The following HERPUD1 variants were observed in gnomAD, a reference collection of about 807,000 sequenced individuals.
HERPUD1 encodes homocysteine inducible ER protein with ubiquitin like domain 1.
In HERPUD1, 17 loss-of-function variants were observed where a neutral mutation model predicts 45.0. The observed-to-expected ratio is 0.38, with a 90% CI of 0.26 to 0.57. HERPUD1 has a LOEUF of 0.57. Among genes scored for constraint, HERPUD1 ranks in the 20% least tolerant of loss-of-function variants. The probability of loss-of-function intolerance (pLI) is 0.72; values close to 1 mark genes in which losing one functional copy is unlikely to be tolerated. For missense variants in HERPUD1, 420 were observed against 490.5 expected, an observed-to-expected ratio of 0.86 and a Z score of 1.36; for synonymous variants, 164 against 177.5, an observed-to-expected ratio of 0.92 and a Z score of 0.61.
At chr16:56,934,699 A>ATTTTTTTTTTTT (rs1257594998) in intron 1 of HERPUD1, among the ~76,000 whole-genome samples, 1 of 73,098 alleles carries the variant, frequency 1.4e-5, no homozygotes, top group African/African-American at 5.7e-5. Context: ...ATAATTTGCC[A>ATTTTTTTTTTTT]TTCTTTTTTT....
intron 1 of HERPUD1, 93 bp from the exon 2 acceptor site, chr16:56,935,142 A>G: frequency 1.2e-6 from 1 of 839,378 alleles, no homozygotes. Context: ...AAACACACAT[A>G]TTCAAATTAC....
At chr16:56,937,674 C>T (rs1273245341) in intron 4 of HERPUD1, among the ~76,000 whole-genome samples, 1 of 150,500 alleles carries the variant, frequency 6.6e-6, no homozygotes, top group African/African-American at 2.5e-5. Flanking sequence ...TTATTTCATC[C>T]CTATATTCTT....
rs954888852 is a variant in HERPUD1, at chr16:56,939,654, G to A, written c.555-241G>A. ...TTTGTGAGGATTTTAATTTGCTACT[G>A]TGCCATAATCTTACAGTGGGCTTGA... is the stretch of plus-strand genomic sequence containing the variant. On this transcript the variant is annotated intron_variant, in intron 5 of 7. Coordinates refer to ENST00000439977, the MANE Select transcript of HERPUD1 (RefSeq NM_014685.4). Among the ~76,000 whole-genome samples, 3 of 152,178 alleles carry A rather than the reference G, an allele frequency of 2.0e-5. No individual in the cohort carries two copies. In the East Asian group the frequency reaches 5.8e-4, roughly 29 times the overall value.
rs549048870 is a variant in HERPUD1, at chr16:56,936,963, TC to T, written c.431+147del. The T allele has an allele frequency of 4.5e-3, 3,497 of 780,380 alleles. 18 individuals carry two copies. The highest frequency in any genetic ancestry group is 6.2e-3 in the Non-Finnish European group (3,241 of 520,400). 48.3% of individuals were successfully genotyped at this position (780,380 alleles called of 1,614,324 possible). On this transcript the variant is annotated intron_variant, in intron 4 of 7. Coordinates refer to ENST00000439977, the MANE Select transcript of HERPUD1 (RefSeq NM_014685.4). The stretch of plus-strand genomic sequence containing the variant: ...TTTATAAATAGCTTCGCTTTAAAGA[TC>T]TCTTATATATTTAACTTTTCTTAAT...
chr16:56,935,462 A>G lies in HERPUD1; in HGVS notation c.287A>G (p.Glu96Gly). 1 of 1,613,938 alleles carries G rather than the reference A, an allele frequency of 6.2e-7. No individual in the cohort carries two copies. The highest frequency in any genetic ancestry group is 8.5e-7 in the Non-Finnish European group (1 of 1,179,768). Reference protein sequence around the residue: ...CNVKSPSKMPEINAKVAESTE... With the variant: ...CNVKSPSKMPGINAKVAESTE... ...GTGAAGAGTCCTTCAAAAATGCCAG[A>G]AATCAACGCCAAGGTGTGTCTGCCT... is the stretch of plus-strand genomic sequence containing the variant. Residue 96 changes from glutamate to glycine, a missense_variant, in exon 3 of 8, where the codon GAA (glutamate) becomes GGA (glycine). Transcript: ENST00000439977.
Position 56,936,857 on chromosome 16 carries a change from A to G in HERPUD1, c.431+40A>G, listed in dbSNP as rs373681407. On this transcript the variant is annotated intron_variant, in intron 4 of 7. Transcript: ENST00000439977. ...AAAGATCTTGGCTTATGCAACATGA[A>G]TGTTCCTCGTTTGCATCAATTTAAG... 483 of 1,603,836 alleles carry G rather than the reference A, an allele frequency of 3.0e-4. 2 individuals are homozygous for G. Among genetic ancestry groups the G allele is most frequent in the Non-Finnish European group, 3.2e-5 (38 of 1,172,590 alleles).
intron 7 of HERPUD1, among the ~76,000 whole-genome samples, chr16:56,942,700 C>G (rs1294113688): frequency 6.6e-6 from 1 of 152,124 alleles, no homozygotes; most frequent in Non-Finnish European, 1.5e-5. Context: ...ACTAAAATTA[C>G]AAAAATTAGT....
rs2055928978 is a variant in HERPUD1 at position 56,943,613 on chromosome 16, T to C, written c.*323T>C. ...ACTTTTCCAAATGTGTGTGTCTGCA[T>C]GTGTGTTTGTACATAGAAGTCATAG... is the stretch of plus-strand genomic sequence containing the variant. On this transcript the variant is annotated 3_prime_UTR_variant, in exon 8 of 8. Coordinates refer to ENST00000439977, the MANE Select transcript of HERPUD1 (RefSeq NM_014685.4). 2.2e-5 allele frequency: 10 copies of C among 451,014 alleles called. No homozygotes were observed. Among genetic ancestry groups the C allele is most frequent in the South Asian group, 2.0e-4 (9 of 45,816 alleles). 27.9% of individuals were successfully genotyped at this position (451,014 alleles called of 1,614,324 possible).
intron 3 of HERPUD1, 50 bp from the exon 4 acceptor site, chr16:56,936,637 A>T (rs2055868424): frequency 6.7e-7 from 1 of 1,494,888 alleles, no homozygotes; most frequent in East Asian, 2.4e-5. Context: ...GCTTGATTTC[A>T]GACAGTTGCA....
At chr16:56,936,896 T>A (rs1273764647) in intron 4 of HERPUD1, 79 bp downstream of exon 4, 1 of 1,468,946 alleles carries the variant, frequency 6.8e-7, no homozygotes, top group Non-Finnish European at 9.3e-7. Flanking sequence ...AAGGTATGTT[T>A]ACACGTATAT....
In HERPUD1 at chr16:56,932,197, G is replaced by A. The variant is rs2055829758; in HGVS notation, c.-48G>A. ...ATTGCGGGCGGCTGAGACGCCGCCT[G>A]CCTGGCACCTAGGAGCGCAGCGGAG... On this transcript the variant is annotated 5_prime_UTR_variant, in exon 1 of 8. Transcript: ENST00000439977. 1.9e-6 allele frequency: 3 copies of A among 1,592,710 alleles called. No individual in the cohort carries two copies. Among genetic ancestry groups the A allele is most frequent in the Non-Finnish European group, 1.7e-6 (2 of 1,175,136 alleles).
At chr16:56,939,407 G>T (rs763004329) in intron 5 of HERPUD1, 48 bp downstream of exon 5, 9 of 1,611,102 alleles carry the variant, frequency 5.6e-6, no homozygotes, top group Non-Finnish European at 7.6e-6. Context: ...CCCGGGAATT[G>T]AAGGGAATTT....
Position 56,944,497 on chromosome 16 carries a change from ACT to A in HERPUD1, c.*1210_*1211del, listed in dbSNP as rs2055935916. ...TGTTTTTGTTTTGAGATGGAGTCTC[ACT>A]CTGTTGCCCAGGCTGGAGTGCCGTG... is the stretch of plus-strand genomic sequence containing the variant. On this transcript the variant is annotated 3_prime_UTR_variant, in exon 8 of 8. Transcript: ENST00000439977. 6.6e-6 allele frequency: 1 copy of A among 151,476 alleles called. No homozygotes were observed. The highest frequency in any genetic ancestry group is 1.5e-5 in the Non-Finnish European group (1 of 67,938). The allele number at this position is 151,476 out of a possible 1,614,324, so 9.4% of individuals were successfully genotyped here. A position where few individuals can be genotyped will look rare whatever the true frequency, so the allele number is the denominator to read the frequency against.
Position 56,932,524 on chromosome 16 carries a change from A to G in HERPUD1, c.147+133A>G, listed in dbSNP as rs1362664908. On this transcript the variant is annotated intron_variant, in intron 1 of 7. Coordinates refer to ENST00000439977, the MANE Select transcript of HERPUD1 (RefSeq NM_014685.4). The stretch of plus-strand genomic sequence containing the variant: ...GATCGCTCGGCCGGTCACCTCCCCC[A>G]GGGCTGTGGTCTCCCCTTCCCTGCC... 4 of 838,010 alleles carry G rather than the reference A, an allele frequency of 4.8e-6. 1 individual carries two copies. The South Asian group carries it at 5.5e-5, about 11-fold the overall frequency. 51.9% of individuals were successfully genotyped at this position (838,010 alleles called of 1,614,324 possible). A position where few individuals can be genotyped will look rare whatever the true frequency, so the allele number is the denominator to read the frequency against.
rs553582149 is a variant in HERPUD1 at position 56,939,335 on chromosome 16, A to C, written c.530A>C (p.Tyr177Ser). 6.2e-7 allele frequency: 1 copy of C among 1,614,190 alleles called. No individual in the cohort carries two copies. The highest frequency in any genetic ancestry group is 8.5e-7 in the Non-Finnish European group (1 of 1,180,034). The change falls in exon 5 of 8, where the codon TAT becomes TCT. Residue 177 changes from tyrosine (Y) to serine (S), a missense_variant. By Grantham distance (144) the Tyr-to-Ser change is moderately radical. Transcript: ENST00000439977. ...CAGCTTTCCTGGTTCCAGCAGATATATGCACGACAGTACTACATGCAATAG... is the reference window on the plus strand; with the variant it reads ...CAGCTTTCCTGGTTCCAGCAGATATCTGCACGACAGTACTACATGCAATAG... ...WLQLSWFQQI[Y>S]ARQYYMQYLA...
intron 3 of HERPUD1, 144 bp from the exon 4 acceptor site, chr16:56,936,543 A>G (rs1273180716): frequency 3.8e-6 from 2 of 524,352 alleles, no homozygotes; most frequent in African/African-American, 2.0e-5. Context: ...TATTTTTTAC[A>G]TAACGTTGCT....
chr16:56,935,358 C>A, intron 2 of HERPUD1, 43 bp from the exon 3 acceptor site: 1 of 1,609,662 alleles, frequency 6.2e-7, no homozygotes, highest in Non-Finnish European at 8.5e-7. Context: ...AAGCACTCAC[C>A]AGGTTAGGTT....
rs1443237961 is a variant in HERPUD1, at chr16:56,932,281, C to T, written c.37C>T (p.Leu13=). The change falls in exon 1 of 8, where the codon CTG becomes TTG. Residue 13 remains leucine, a synonymous_variant. Transcript: ENST00000439977. ...GACCGAACCCGAGCCCGTCACGCTC[C>T]TGGTGAAGAGCCCCAACCAGCGCCA... ...SETEPEPVTL[L]VKSPNQRHRD... 6.2e-7 allele frequency: 1 copy of T among 1,609,204 alleles called. No homozygotes were observed. The highest frequency in any genetic ancestry group is 1.3e-5 in the African/African-American group (1 of 74,904).
chr16:56,932,625 C>T (rs532567405), intron 1 of HERPUD1, among the ~76,000 whole-genome samples: 1 of 152,372 alleles, frequency 6.6e-6, no homozygotes, highest in African/African-American at 2.4e-5. Context: ...AGTCATTTCA[C>T]CCTCCAAGCC....
Sources: allele counts gnomAD v4.1 joint callset (sites outside exome capture counted in the v4.1 genomes callset), GRCh38; gene constraint gnomAD v4.1.1; transcripts MANE v1.5; gene names NCBI Gene and HGNC (gene_info 2026-07-23, HGNC 2026-07-21).